Variants in SLC9A9 observed in about 807,000 individuals in gnomAD.
SLC9A9 encodes sodium/hydrogen exchanger 9.
SLC9A9 carries 62 observed loss-of-function variants against 77.8 expected under a neutral mutation model. The observed-to-expected ratio is 0.80, with a 90% confidence interval of 0.65 to 0.98. SLC9A9 has a LOEUF of 0.98. Among genes scored for constraint, SLC9A9 ranks in the 50% least tolerant of loss-of-function variants. The pLI is 0.00. For missense variants in SLC9A9, 775 were observed against 774.9 expected (o/e 1.00, Z 0.00); for synonymous variants, 320 against 283.5 (o/e 1.13, Z -1.29).
At chr3:143,434,313 CAT>C (rs1490330509) in intron 12 of SLC9A9, among the ~76,000 whole-genome samples, 6 of 152,032 alleles carry the variant, frequency 3.9e-5, no homozygotes, top group Non-Finnish European at 7.4e-5. Flanking sequence ...GTAACTGCTT[CAT>C]AGATATTTAG....
At chr3:143,332,203 T>C (rs1576429855) in intron 14 of SLC9A9, among the ~76,000 whole-genome samples, 1 of 152,200 alleles carries the variant, frequency 6.6e-6, no homozygotes, top group African/African-American at 2.4e-5. Context: ...CTCCCTTCTG[T>C]CTATCCTCAT....
At chr3:143,836,134 A>G (rs1260739560) in intron 1 of SLC9A9, among the ~76,000 whole-genome samples, 4 of 152,216 alleles carry the variant, frequency 2.6e-5, no homozygotes, top group African/African-American at 9.6e-5. Context: ...GTCCCTCTTA[A>G]GTCCCACCCG....
At chr3:143,708,791 G>C (rs1934064435) in intron 4 of SLC9A9, among the ~76,000 whole-genome samples, 1 of 152,196 alleles carries the variant, frequency 6.6e-6, no homozygotes, top group South Asian at 2.1e-4. Flanking sequence ...AGTCCTGCTA[G>C]GTGCTAAGGG....
intron 12 of SLC9A9, among the ~76,000 whole-genome samples, chr3:143,448,537 A>G (rs2034887572): frequency 6.6e-6 from 1 of 152,102 alleles, no homozygotes; most frequent in South Asian, 2.1e-4. Context: ...ATCATGGAGT[A>G]ATAAGAAAAC....
At chr3:143,774,400 G>A (rs2007624784) in intron 4 of SLC9A9, among the ~76,000 whole-genome samples, 1 of 152,156 alleles carries the variant, frequency 6.6e-6, no homozygotes, top group Non-Finnish European at 1.5e-5. Flanking sequence ...ACTGTTTAGG[G>A]ACACAGGTTG....
intron 9 of SLC9A9, among the ~76,000 whole-genome samples, chr3:143,524,011 G>A (rs542917354): frequency 1.8e-4 from 27 of 152,260 alleles, no homozygotes; most frequent in African/African-American, 6.5e-4. Flanking sequence ...GGTCCTTTCT[G>A]AATGTAGACT....
chr3:143,637,259 A>T (rs566615473), intron 6 of SLC9A9, among the ~76,000 whole-genome samples: 33 of 112,094 alleles, frequency 2.9e-4, no homozygotes, highest in African/African-American at 9.4e-4. Flanking sequence ...GATATGAATG[A>T]AAAATTTACT....
At chr3:143,804,008 C>G (rs142690244) in intron 2 of SLC9A9, among the ~76,000 whole-genome samples, 180 of 152,256 alleles carry the variant, frequency 1.2e-3, no homozygotes, top group African/African-American at 4.3e-3. Flanking sequence ...TCTACTCCCC[C>G]CTTATGTGGA....
intron 6 of SLC9A9, among the ~76,000 whole-genome samples, chr3:143,581,806 A>G (rs1300327841): frequency 6.6e-6 from 1 of 152,148 alleles, no homozygotes; most frequent in Non-Finnish European, 1.5e-5. Context: ...GTATACAAGC[A>G]TAAGAGCGGA....
At chr3:143,636,876 ACC>A (rs1228799789) in intron 6 of SLC9A9, among the ~76,000 whole-genome samples, 1 of 152,166 alleles carries the variant, frequency 6.6e-6, no homozygotes, top group Non-Finnish European at 1.5e-5. Context: ...GCTATCTATA[ACC>A]AAGGAATTCA....
intron 8 of SLC9A9, among the ~76,000 whole-genome samples, chr3:143,553,680 G>A (rs1280113099): frequency 6.6e-6 from 1 of 152,140 alleles, no homozygotes; most frequent in South Asian, 2.1e-4. Flanking sequence ...TTGCATAAAT[G>A]TGTAAAATCT....
At chr3:143,607,087 AAAAT>A (rs768768745) in intron 6 of SLC9A9, among the ~76,000 whole-genome samples, 2 of 152,110 alleles carry the variant, frequency 1.3e-5, no homozygotes, top group Non-Finnish European at 2.9e-5. Context: ...TATCAAAAAC[AAAAT>A]AAATACAAAA....
At chr3:143,392,734 C>G (rs1201577170) in intron 12 of SLC9A9, among the ~76,000 whole-genome samples, 2 of 151,866 alleles carry the variant, frequency 1.3e-5, no homozygotes, top group South Asian at 4.2e-4. Flanking sequence ...CGCACAGGCT[C>G]AAAATAAAGG....
chr3:143,608,824 G>A (rs1035016582), intron 6 of SLC9A9, among the ~76,000 whole-genome samples: 2 of 152,154 alleles, frequency 1.3e-5, no homozygotes, highest in African/African-American at 4.8e-5. Flanking sequence ...GGAAAGAATA[G>A]GGAGGAACAG....
intron 12 of SLC9A9, among the ~76,000 whole-genome samples, chr3:143,416,859 G>A (rs192149642): frequency 7.7e-4 from 117 of 152,240 alleles, no homozygotes; most frequent in South Asian, 1.2e-3. Flanking sequence ...GCATTCGCAC[G>A]TATATACATA....
chr3:143,814,129 T>C (rs1219760094), intron 2 of SLC9A9, among the ~76,000 whole-genome samples: 1 of 152,196 alleles, frequency 6.6e-6, no homozygotes, highest in African/African-American at 2.4e-5. Context: ...ATAAGGAACC[T>C]ATGTTTCTGC....
At chr3:143,330,772 A>G (rs1285456429) in intron 14 of SLC9A9, among the ~76,000 whole-genome samples, 1 of 152,234 alleles carries the variant, frequency 6.6e-6, no homozygotes, top group African/African-American at 2.4e-5. Context: ...CTGATATATT[A>G]TCATTTGAGA....
At chr3:143,470,315 C>T (rs1362169581) in intron 11 of SLC9A9, among the ~76,000 whole-genome samples, 2 of 151,784 alleles carry the variant, frequency 1.3e-5, no homozygotes, top group African/African-American at 4.8e-5. Flanking sequence ...CCTGCCTCTA[C>T]TAAAAATACA....
intron 2 of SLC9A9, among the ~76,000 whole-genome samples, chr3:143,812,399 G>A (rs1041749321): frequency 5.9e-5 from 9 of 152,148 alleles, no homozygotes; most frequent in Non-Finnish European, 1.2e-4. Flanking sequence ...TTCATAAAAC[G>A]CGCCTGTTAA....
Sources: allele counts gnomAD v4.1 joint callset (sites outside exome capture counted in the v4.1 genomes callset), GRCh38; gene constraint gnomAD v4.1.1; transcripts MANE v1.5; gene names NCBI Gene and HGNC (gene_info 2026-07-23, HGNC 2026-07-21).